The following EFCAB11 variants were observed in gnomAD, a reference collection of about 807,000 sequenced individuals.
EFCAB11 encodes EF-hand calcium binding domain 11.
Under a neutral mutation model 23.0 loss-of-function variants are expected in EFCAB11, and 14 were observed. The ratio of observed to expected loss-of-function variants is 0.61; its 90% CI spans 0.40 to 0.95. The LOEUF (loss-of-function observed/expected upper bound fraction) is 0.95. Among genes scored for constraint, EFCAB11 ranks in the 40% least tolerant of loss-of-function variants. The probability of loss-of-function intolerance (pLI) is 0.00; values close to 1 mark genes in which losing one functional copy is unlikely to be tolerated. For missense variants in EFCAB11, 198 were observed against 195.8 expected (o/e 1.01, Z -0.07); for synonymous variants, 65 against 66.6 (o/e 0.98, Z 0.11).
intron 5 of EFCAB11, among the ~76,000 whole-genome samples, chr14:89,806,560 T>C (rs915499204): frequency 6.6e-6 from 1 of 152,112 alleles, no homozygotes. Flanking sequence ...AACAAATCTG[T>C]TTCCTACACT....
At chr14:89,829,358 G>C (rs1209840366) in intron 5 of EFCAB11, among the ~76,000 whole-genome samples, 1 of 152,218 alleles carries the variant, frequency 6.6e-6, no homozygotes, top group Admixed American at 6.5e-5. Context: ...GTAAAGGCTA[G>C]TGCGTTAAAT....
chr14:89,835,139 T>C (rs1887031613), intron 5 of EFCAB11, among the ~76,000 whole-genome samples: 1 of 152,158 alleles, frequency 6.6e-6, no homozygotes, highest in Non-Finnish European at 1.5e-5. Context: ...GGCAGGAGCC[T>C]GAGAAAAGTG....
At chr14:89,946,307 T>C (rs1890982285) in intron 3 of EFCAB11, among the ~76,000 whole-genome samples, 1 of 152,198 alleles carries the variant, frequency 6.6e-6, no homozygotes, top group African/African-American at 2.4e-5. Context: ...GATATTAACA[T>C]GCTCACTTTG....
chr14:89,873,077 A>T (rs1415342529), intron 5 of EFCAB11, among the ~76,000 whole-genome samples: 1 of 152,178 alleles, frequency 6.6e-6, no homozygotes, highest in Admixed American at 6.5e-5. Flanking sequence ...GTCACAGATA[A>T]AGACATACCA....
intron 5 of EFCAB11, among the ~76,000 whole-genome samples, chr14:89,798,416 G>A (rs1445870311): frequency 6.6e-6 from 1 of 152,216 alleles, no homozygotes; most frequent in Non-Finnish European, 1.5e-5. Flanking sequence ...AGGACCAAAA[G>A]CATAGTGTCA....
intron 5 of EFCAB11, among the ~76,000 whole-genome samples, chr14:89,805,250 C>T (rs907713368): frequency 2.0e-4 from 31 of 152,186 alleles, no homozygotes; most frequent in African/African-American, 7.5e-4. Context: ...TGTGGGGGAA[C>T]AGACCCCCAC....
intron 5 of EFCAB11, among the ~76,000 whole-genome samples, chr14:89,844,761 T>C (rs756399587): frequency 2.0e-5 from 3 of 152,256 alleles, no homozygotes; most frequent in Non-Finnish European, 2.9e-5. Flanking sequence ...AAAGTCCTGG[T>C]TGGAACTTAA....
At chr14:89,912,349 A>G (rs1200470136) in intron 5 of EFCAB11, among the ~76,000 whole-genome samples, 1 of 152,216 alleles carries the variant, frequency 6.6e-6, no homozygotes, top group Non-Finnish European at 1.5e-5. Context: ...TAAGGAGACT[A>G]ACAAATCAAA....
At chr14:89,862,554 C>G (rs1012871373) in intron 5 of EFCAB11, among the ~76,000 whole-genome samples, 2 of 152,102 alleles carry the variant, frequency 1.3e-5, no homozygotes, top group Non-Finnish European at 2.9e-5. Flanking sequence ...CAGAAAGCTA[C>G]CTGGTGGGAA....
chr14:89,864,574 C>T (rs1470409182), intron 5 of EFCAB11, among the ~76,000 whole-genome samples: 1 of 151,998 alleles, frequency 6.6e-6, no homozygotes, highest in Non-Finnish European at 1.5e-5. Context: ...ACTACAGGTG[C>T]ACGTCAACAT....
At chr14:89,901,578 G>A (rs1326354895) in intron 5 of EFCAB11, among the ~76,000 whole-genome samples, 2 of 152,170 alleles carry the variant, frequency 1.3e-5, no homozygotes, top group Non-Finnish European at 2.9e-5. Context: ...GGGACCCCAA[G>A]CCAGGATACA....
intron 5 of EFCAB11, chr14:89,837,106 A>G (rs955096738): frequency 6.6e-6 from 3 of 456,448 alleles, no homozygotes; most frequent in Non-Finnish European, 1.3e-5. Flanking sequence ...ACTTCTGGTC[A>G]ATATGGCAGA....
chr14:89,852,565 A>G (rs879279274), intron 5 of EFCAB11, among the ~76,000 whole-genome samples: 5 of 152,222 alleles, frequency 3.3e-5, no homozygotes, highest in Admixed American at 1.3e-4. Context: ...CAAGACACGT[A>G]CACAACTTAA....
At chr14:89,918,872 C>T (rs1566810561) in intron 5 of EFCAB11, among the ~76,000 whole-genome samples, 2 of 151,482 alleles carry the variant, frequency 1.3e-5, no homozygotes, top group African/African-American at 2.4e-5. Flanking sequence ...ATCCCTATAA[C>T]AGGGAACTGA....
chr14:89,838,198 A>G (rs749007089), intron 5 of EFCAB11, among the ~76,000 whole-genome samples: 3 of 152,224 alleles, frequency 2.0e-5, no homozygotes, highest in Non-Finnish European at 4.4e-5. Flanking sequence ...ATCCGAGGAA[A>G]TATGTACTAC....
chr14:89,897,465 C>T (rs1006330624), intron 5 of EFCAB11, among the ~76,000 whole-genome samples: 1 of 152,100 alleles, frequency 6.6e-6, no homozygotes, highest in African/African-American at 2.4e-5. Context: ...CTCGGCCTCC[C>T]AAAGTGCTGG....
intron 5 of EFCAB11, among the ~76,000 whole-genome samples, chr14:89,810,604 A>G (rs980910270): frequency 5.3e-5 from 8 of 152,050 alleles, no homozygotes; most frequent in African/African-American, 1.9e-4. Context: ...AAAAATACAA[A>G]AATTAGCCAG....
chr14:89,869,142 G>A (rs948359606), intron 5 of EFCAB11, among the ~76,000 whole-genome samples: 1 of 152,146 alleles, frequency 6.6e-6, no homozygotes, highest in African/African-American at 2.4e-5. Flanking sequence ...GCTCGAGGCT[G>A]CAGTGATGCA....
intron 5 of EFCAB11, among the ~76,000 whole-genome samples, chr14:89,860,968 C>G (rs979609961): frequency 1.3e-5 from 2 of 152,210 alleles, no homozygotes; most frequent in African/African-American, 4.8e-5. Flanking sequence ...GTACCCACTT[C>G]CACTACTTTT....
Sources: allele counts gnomAD v4.1 joint callset (sites outside exome capture counted in the v4.1 genomes callset), GRCh38; gene constraint gnomAD v4.1.1; transcripts MANE v1.5; gene names NCBI Gene and HGNC (gene_info 2026-07-23, HGNC 2026-07-21).